The following CSTF2 variants were observed in gnomAD, a reference collection of about 807,000 sequenced individuals.
The protein encoded by CSTF2 is cleavage stimulation factor subunit 2.
Under a neutral mutation model 45.4 loss-of-function variants are expected in CSTF2, and 8 were observed. The ratio of observed to expected loss-of-function variants is 0.18; its 90% CI spans 0.10 to 0.32. The LOEUF is 0.32. Among genes scored for constraint, CSTF2 ranks in the 10% least tolerant of loss-of-function variants. The pLI is 1.00. For missense variants in CSTF2, 253 were observed against 477.1 expected (o/e 0.53, Z 4.38); for synonymous variants, 155 against 158.9 (o/e 0.98, Z 0.18).
chrX:100,829,325 A>G (rs146028260), intron 8 of CSTF2, among the ~76,000 whole-genome samples: 1,625 of 110,827 alleles, frequency 0.015, 26 homozygotes, highest in African/African-American at 0.051. Context: ...CCCCGTCTCT[A>G]TAAAAAATAC....
chrX:100,833,221 G>A lies in CSTF2; in HGVS notation c.1249G>A (p.Ala417Thr). 8.3e-7 allele frequency: 1 copy of A among 1,211,154 alleles called. No individual in the cohort carries two copies. Among genetic ancestry groups the A allele is most frequent in the Middle Eastern group, 2.3e-4 (1 of 4,350 alleles). The part of the protein sequence containing the change: ...PRGIDARGME[A>T]RAMEARGLDA... Reference sequence around the variant, plus strand: ...AGGAATAGATGCACGAGGGATGGAGGCCCGAGCCATGGAGGCAAGAGGGTT... The same window carrying A: ...AGGAATAGATGCACGAGGGATGGAGACCCGAGCCATGGAGGCAAGAGGGTT... Residue 417 changes from alanine (A) to threonine (T), a missense_variant, in exon 11 of 14, where the codon GCC becomes ACC. Physicochemically the swap from Ala to Thr is moderately conservative, Grantham distance 58. This residue lies in a region of CSTF2 where 200 missense variants were observed against 294.0 expected (regional missense o/e 0.68). Coordinates refer to ENST00000372972, the MANE Select transcript of CSTF2 (RefSeq NM_001325.3).
At position 100,823,355 on chromosome X, in the gene CSTF2, C is replaced by T. The variant is rs1422560344; in HGVS notation, c.371C>T (p.Ala124Val). ...PYGETISPEDAPESISKAVAS... is the reference protein window; with the variant it reads ...PYGETISPEDVPESISKAVAS... ...GGAGAGACCATCAGTCCTGAGGATG[C>T]CCCTGAGTCCATTAGCAAAGCAGTT... The change falls in exon 4 of 14, where the codon GCC becomes GTC. Residue 124 changes from alanine (A) to valine (V), a missense_variant. Physicochemically the swap from Ala to Val is moderately conservative, Grantham distance 64. Transcript: ENST00000372972. 42 of 1,210,531 alleles carry T rather than the reference C, an allele frequency of 3.5e-5. No individual in the cohort carries two copies. Among genetic ancestry groups the T allele is most frequent in the Non-Finnish European group, 4.4e-5 (39 of 895,026 alleles).
chrX:100,821,146 C>T (rs1212146471), intron 1 of CSTF2, among the ~76,000 whole-genome samples: 3 of 112,573 alleles, frequency 2.7e-5, no homozygotes, highest in African/African-American at 3.2e-5. Flanking sequence ...TCGTCATTCT[C>T]CCTTAAATGT....
intron 13 of CSTF2, 139 bp downstream of exon 13, chrX:100,838,503 G>A (rs2085022358): frequency 6.5e-6 from 3 of 462,241 alleles, no homozygotes; most frequent in Non-Finnish European, 9.9e-6. Context: ...CCTTCAGTAG[G>A]TCAGCTCCTG....
At chrX:100,822,140 A>G in intron 2 of CSTF2, 111 bp from the exon 3 acceptor site, 1 of 520,575 alleles carries the variant, frequency 1.9e-6, no homozygotes, top group Non-Finnish European at 3.0e-6. Flanking sequence ...TGAGGCTGTC[A>G]GAGATATAAG....
At chrX:100,826,539 G>A in intron 6 of CSTF2, 95 bp from the exon 7 acceptor site, 1 of 840,245 alleles carries the variant, frequency 1.2e-6, no homozygotes, top group Non-Finnish European at 1.7e-6. Flanking sequence ...GTGTATTTGG[G>A]GCTGTTCATT....
chrX:100,822,615 C>T, intron 3 of CSTF2, 195 bp downstream of exon 3: 1 of 428,095 alleles, frequency 2.3e-6, no homozygotes, highest in Admixed American at 4.1e-5. Context: ...AATTTTTTTT[C>T]AAGTAATTGT....
chrX:100,832,190 C>A (rs1182737703), intron 9 of CSTF2, among the ~76,000 whole-genome samples: 1 of 111,347 alleles, frequency 9.0e-6, no homozygotes, highest in East Asian at 2.8e-4. Context: ...GCACTCCAGC[C>A]TGGGCAACAA....
chrX:100,831,817 A>G (rs891398497), intron 9 of CSTF2, among the ~76,000 whole-genome samples, 161 bp downstream of exon 9: 2 of 112,792 alleles, frequency 1.8e-5, no homozygotes, highest in Middle Eastern at 4.6e-3. Context: ...CCTAAGGCAG[A>G]ACTATGTACT....
At chrX:100,824,887 A>G (rs1196783044) in intron 6 of CSTF2, among the ~76,000 whole-genome samples, 1 of 112,444 alleles carries the variant, frequency 8.9e-6, no homozygotes. Flanking sequence ...TGGTACATTC[A>G]TCCAGTGAAA....
chrX:100,821,456 T>G, intron 1 of CSTF2, 71 bp from the exon 2 acceptor site: 1 of 751,235 alleles, frequency 1.3e-6, no homozygotes, highest in South Asian at 2.2e-5. Context: ...TTTGATGATA[T>G]AAGTTTACTT....
intron 11 of CSTF2, among the ~76,000 whole-genome samples, chrX:100,835,004 C>G (rs183743888): frequency 1.8e-5 from 2 of 110,608 alleles, no homozygotes; most frequent in African/African-American, 6.6e-5. Context: ...AGATCTGAGG[C>G]AAGAGAAAAT....
At chrX:100,828,897 C>T (rs1205167532) in intron 8 of CSTF2, among the ~76,000 whole-genome samples, 1 of 112,221 alleles carries the variant, frequency 8.9e-6, no homozygotes, top group Non-Finnish European at 1.9e-5. Flanking sequence ...AAGTTACTTT[C>T]TCAAGGGGAC....
intron 11 of CSTF2, among the ~76,000 whole-genome samples, chrX:100,835,286 A>AG (rs1310486433): frequency 9.5e-6 from 1 of 105,788 alleles, no homozygotes; most frequent in Non-Finnish European, 1.9e-5. Flanking sequence ...TAAAAAAAAA[A>AG]AAAAAGCCAG....
chrX:100,831,943 G>A (rs1368171698), intron 9 of CSTF2, among the ~76,000 whole-genome samples: 2 of 112,493 alleles, frequency 1.8e-5, no homozygotes, highest in East Asian at 2.8e-4. Context: ...TAGGCCGGGT[G>A]CAGTGGCTGA....
intron 11 of CSTF2, among the ~76,000 whole-genome samples, chrX:100,834,610 G>T (rs1022824555): frequency 2.7e-5 from 3 of 112,163 alleles, no homozygotes; most frequent in Non-Finnish European, 5.6e-5. Context: ...TGTGGGCCTT[G>T]ATTTTTATTG....
intron 11 of CSTF2, among the ~76,000 whole-genome samples, chrX:100,835,146 G>C (rs1331919017): frequency 1.8e-5 from 2 of 110,848 alleles, no homozygotes; most frequent in Non-Finnish European, 3.8e-5. Context: ...TGCACCTGTA[G>C]TGCCAGCACT....
At chrX:100,838,996 TC>T (rs1402383141) in intron 13 of CSTF2, among the ~76,000 whole-genome samples, 1 of 110,621 alleles carries the variant, frequency 9.0e-6, no homozygotes, top group Non-Finnish European at 1.9e-5. Context: ...CCCTGTAATC[TC>T]AGCTTTGGCA....
intron 11 of CSTF2, among the ~76,000 whole-genome samples, chrX:100,834,320 G>A (rs1238456923): frequency 2.7e-5 from 3 of 111,604 alleles, no homozygotes; most frequent in Non-Finnish European, 5.6e-5. Flanking sequence ...GAGCTGGAAT[G>A]GAATACATCA....
Sources: allele counts gnomAD v4.1 joint callset (sites outside exome capture counted in the v4.1 genomes callset), GRCh38; gene constraint gnomAD v4.1.1; regional missense constraint gnomAD v4.1.1; transcripts MANE v1.5; gene names NCBI Gene and HGNC (gene_info 2026-07-23, HGNC 2026-07-21).